Variants in MFHAS1 observed in about 807,000 individuals in gnomAD.
MFHAS1 encodes multifunctional ROCO family signaling regulator 1, also known as malignant fibrous histiocytoma-amplified sequence 1.
MFHAS1 carries 50 observed loss-of-function variants against 70.4 expected under a neutral mutation model. The ratio of observed to expected loss-of-function variants is 0.71; its 90% CI spans 0.57 to 0.90. MFHAS1 has a LOEUF of 0.90. Among genes scored for constraint, MFHAS1 ranks in the 40% least tolerant of loss-of-function variants. MFHAS1 has a pLI of 0.00. For synonymous variants in MFHAS1, 952 were observed against 620.0 expected, an observed-to-expected ratio of 1.54 and a Z score of -7.96; for missense variants, 1,795 against 1,347.6, an observed-to-expected ratio of 1.33 and a Z score of -5.20.
intron 1 of MFHAS1, among the ~76,000 whole-genome samples, chr8:8,876,959 C>T (rs550236398): frequency 2.0e-5 from 3 of 151,480 alleles, no homozygotes; most frequent in African/African-American, 7.3e-5. Flanking sequence ...AATGAAACCA[C>T]TGTCATAGTG....
rs1023102607 is a variant in MFHAS1 at position 8,784,050 on chromosome 8, C to T, written c.*1972G>A. The T allele has an allele frequency of 2.0e-5, 3 of 152,044 alleles. No homozygotes were observed. Among genetic ancestry groups the T allele is most frequent in the East Asian group, 1.9e-4 (1 of 5,190 alleles). 9.4% of individuals were successfully genotyped at this position (152,044 alleles called of 1,614,324 possible). ...TATTAAGAATGTGGGCGTTTATGTT[C>T]GTAACAGCAAATACTTTGTAGGGTG... is the stretch of plus-strand genomic sequence containing the variant. On this transcript the variant is annotated 3_prime_UTR_variant, in exon 3 of 3. Coordinates refer to ENST00000276282, the MANE Select transcript of MFHAS1 (RefSeq NM_004225.3).
At chr8:8,851,771 C>T (rs1182649419) in intron 1 of MFHAS1, among the ~76,000 whole-genome samples, 2 of 152,040 alleles carry the variant, frequency 1.3e-5, no homozygotes, top group African/African-American at 4.8e-5. Flanking sequence ...TTAATCCAAC[C>T]AAAACACTTA....
In MFHAS1 at chr8:8,785,709, A is replaced by G; in HGVS notation, c.*313T>C. The G allele has an allele frequency of 2.8e-6, 1 of 355,948 alleles. No individual in the cohort carries two copies. Among genetic ancestry groups the G allele is most frequent in the Non-Finnish European group, 5.2e-6 (1 of 192,856 alleles). The allele number at this position is 355,948 out of a possible 1,614,324, so 22.0% of individuals were successfully genotyped here. On this transcript the variant is annotated 3_prime_UTR_variant, in exon 3 of 3. Coordinates refer to ENST00000276282, the MANE Select transcript of MFHAS1 (RefSeq NM_004225.3). ...GTAACTATGGCTTATATGTGCACGG[A>G]AAACAAAATCCCTGAGAAGCCATTC... is the stretch of plus-strand genomic sequence containing the variant.
At chr8:8,876,722 G>A (rs1030172992) in intron 1 of MFHAS1, among the ~76,000 whole-genome samples, 5 of 151,826 alleles carry the variant, frequency 3.3e-5, no homozygotes, top group Non-Finnish European at 5.9e-5. Context: ...AAGAGCATAA[G>A]GTGTTCATAT....
chr8:8,819,067 CTAAA>C (rs2117298363), intron 1 of MFHAS1, among the ~76,000 whole-genome samples: 1 of 152,056 alleles, frequency 6.6e-6, no homozygotes, highest in East Asian at 1.9e-4. Context: ...AGAAGGCTGG[CTAAA>C]TAAAGTCGGC....
Position 8,890,570 on chromosome 8 carries a change from C to CA in MFHAS1, c.2488dup (p.Cys830LeufsTer6), listed in dbSNP as rs761555840. ...GCCCTTGGGTTTATTGAGGCAGTAA[C>CA]AGAGTCCCATCTTCTCCAGCAGCTC... On this transcript the variant is annotated frameshift_variant, in exon 1 of 3. Transcript: ENST00000276282. LOFTEE classifies it high-confidence loss of function. 1 of 1,613,610 alleles carries CA rather than the reference C, an allele frequency of 6.2e-7. No homozygotes were observed. The highest frequency in any genetic ancestry group is 1.1e-5 in the South Asian group (1 of 91,088).
intron 1 of MFHAS1, among the ~76,000 whole-genome samples, chr8:8,807,639 C>T (rs1003150164): frequency 6.6e-6 from 1 of 152,274 alleles, no homozygotes; most frequent in East Asian, 1.9e-4. Context: ...GAAAAGAAGG[C>T]ATTCGCGTGG....
intron 2 of MFHAS1, among the ~76,000 whole-genome samples, chr8:8,793,958 C>G (rs1230401328): frequency 6.6e-6 from 1 of 152,150 alleles, no homozygotes; most frequent in Admixed American, 6.5e-5. Context: ...GAGGCTGAGG[C>G]AGATGGATCA....
intron 1 of MFHAS1, among the ~76,000 whole-genome samples, chr8:8,835,145 G>T (rs755935215): frequency 6.6e-6 from 1 of 151,798 alleles, no homozygotes; most frequent in Admixed American, 6.6e-5. Flanking sequence ...GGTTGTTCGA[G>T]GGTGAGCATT....
intron 2 of MFHAS1, among the ~76,000 whole-genome samples, chr8:8,793,224 T>G (rs1211712004): frequency 6.6e-6 from 1 of 151,698 alleles, no homozygotes; most frequent in Non-Finnish European, 1.5e-5. Context: ...TCTCTCCCCA[T>G]GGGGGAATAA....
At chr8:8,883,541 C>T (rs916475040) in intron 1 of MFHAS1, among the ~76,000 whole-genome samples, 1 of 151,700 alleles carries the variant, frequency 6.6e-6, no homozygotes, top group African/African-American at 2.4e-5. Flanking sequence ...AACCTCGTTT[C>T]TACTAAAATT....
At chr8:8,834,384 A>T (rs1807522766) in intron 1 of MFHAS1, among the ~76,000 whole-genome samples, 1 of 152,112 alleles carries the variant, frequency 6.6e-6, no homozygotes, top group South Asian at 2.1e-4. Context: ...TTTACTCATT[A>T]CTCATTCACT....
At position 8,842,052 on chromosome 8, in the gene MFHAS1, C is replaced by T. The variant is rs571434650; in HGVS notation, c.2999-44561G>A. On this transcript the variant is annotated intron_variant, in intron 1 of 2. Transcript: ENST00000276282. ...CCAAGCAATGTGGGAGGCTGAGTGC[C>T]AACAAGGCTGCGCCTTTATAATCAT... Among the ~76,000 whole-genome samples the T allele has an allele frequency of 2.1e-4, 32 of 152,340 alleles. No homozygotes were observed. The South Asian group carries it at 6.6e-3, about 32-fold the overall frequency.
chr8:8,868,431 T>A (rs1435118130), intron 1 of MFHAS1, among the ~76,000 whole-genome samples: 2 of 150,802 alleles, frequency 1.3e-5, no homozygotes, highest in Admixed American at 6.6e-5. Context: ...TCAACTTTTT[T>A]AAACTGACTG....
chr8:8,820,502 G>A (rs1402350025), intron 1 of MFHAS1, among the ~76,000 whole-genome samples: 1 of 152,132 alleles, frequency 6.6e-6, no homozygotes. Context: ...TGATCTCAAT[G>A]TCTTTCTCTT....
At chr8:8,886,123 G>A (rs563852633) in intron 1 of MFHAS1, among the ~76,000 whole-genome samples, 1 of 151,900 alleles carries the variant, frequency 6.6e-6, no homozygotes, top group Non-Finnish European at 1.5e-5. Context: ...CTCTGACAAT[G>A]TGATTTATTT....
rs558716081 is a variant in MFHAS1 at position 8,822,700 on chromosome 8, G to A, written c.2999-25209C>T. Among the ~76,000 whole-genome samples, 7 of 149,680 alleles carry A rather than the reference G, an allele frequency of 4.7e-5. No homozygotes were observed. In the East Asian group the frequency reaches 1.4e-3, roughly 30 times the overall value. On this transcript the variant is annotated intron_variant, in intron 1 of 2. Transcript: ENST00000276282. ...GGACAGGGACCAAGTCAGGGGGACT[G>A]AGATGGGGGCAGGGACCAAGTCAGG... is the stretch of plus-strand genomic sequence containing the variant.
At chr8:8,861,923 C>T (rs1030288955) in intron 1 of MFHAS1, among the ~76,000 whole-genome samples, 9 of 152,212 alleles carry the variant, frequency 5.9e-5, no homozygotes, top group Admixed American at 1.3e-4. Context: ...ATGTCGCATA[C>T]CACAATGTGT....
chr8:8,785,936 G>A lies in MFHAS1; in HGVS notation c.*86C>T, dbSNP rs979233843. 3.6e-5 allele frequency: 50 copies of A among 1,375,902 alleles called. No individual in the cohort carries two copies. Among genetic ancestry groups the A allele is most frequent in the South Asian group, 1.9e-4 (16 of 85,966 alleles). 85.2% of individuals were successfully genotyped at this position (1,375,902 alleles called of 1,614,324 possible). On this transcript the variant is annotated 3_prime_UTR_variant, in exon 3 of 3. Transcript: ENST00000276282. The stretch of plus-strand genomic sequence containing the variant: ...TCAAGTTCACAGAACACGCTGGGGT[G>A]AGTGCAGAGGGTCTGCCAGGTGCAA...
Sources: gnomAD v4.1 joint callset for allele counts (sites outside exome capture counted in the v4.1 genomes callset) on GRCh38, gnomAD v4.1.1 for gene constraint, MANE v1.5 for transcripts, NCBI Gene and HGNC (gene_info 2026-07-23, HGNC 2026-07-21) for gene names.